The following HECTD4 variants were observed in gnomAD, a reference collection of about 807,000 sequenced individuals.
The protein encoded by HECTD4 is probable E3 ubiquitin-protein ligase HECTD4.
Under a neutral mutation model 471.5 loss-of-function variants are expected in HECTD4, and 114 were observed. That is an observed-to-expected ratio of 0.24 (90% CI 0.21 to 0.28). The LOEUF (loss-of-function observed/expected upper bound fraction) is 0.28. HECTD4 is among the 10% of genes least tolerant of loss of function. The probability of loss-of-function intolerance (pLI) is 1.00; values close to 1 mark genes in which losing one functional copy is unlikely to be tolerated. For synonymous variants in HECTD4, 2,012 were observed against 2,256.0 expected, an observed-to-expected ratio of 0.89 and a Z score of 3.07; for missense variants, 3,866 against 5,651.5, an observed-to-expected ratio of 0.68 and a Z score of 10.13.
At chr12:112,224,337 C>T (rs1279325165) in intron 44 of HECTD4, among the ~76,000 whole-genome samples, 1 of 151,292 alleles carries the variant, frequency 6.6e-6, no homozygotes, top group East Asian at 1.9e-4. Flanking sequence ...ATGATCTCGG[C>T]TCACTGCAAG....
At chr12:112,334,556 AG>A (rs569641877) in intron 1 of HECTD4, among the ~76,000 whole-genome samples, 173 of 147,458 alleles carry the variant, frequency 1.2e-3, no homozygotes, top group African/African-American at 4.1e-3. Context: ...GCACTTTGGG[AG>A]GCCGAGGCGG....
chr12:112,167,175 G>T, intron 72 of HECTD4, 142 bp downstream of exon 72: 1 of 650,212 alleles, frequency 1.5e-6, no homozygotes, highest in Non-Finnish European at 2.6e-6. Context: ...AAGCCTTCCT[G>T]GCACATGGCT....
At chr12:112,295,068 A>C (rs2034975770) in intron 7 of HECTD4, among the ~76,000 whole-genome samples, 2 of 152,002 alleles carry the variant, frequency 1.3e-5, no homozygotes, top group African/African-American at 2.4e-5. Context: ...CTTTGGGAAG[A>C]CAAGGCAGGC....
At chr12:112,348,053 C>T (rs918311137) in intron 1 of HECTD4, among the ~76,000 whole-genome samples, 1 of 152,292 alleles carries the variant, frequency 6.6e-6, no homozygotes, top group East Asian at 1.9e-4. Flanking sequence ...TAGCAGAACA[C>T]CATGAACTTT....
chr12:112,179,350 TA>T lies in HECTD4; in HGVS notation c.11034del (p.Phe3678LeufsTer11). ...PGAREVLTEI[F>X]KSCAHSEQTL... Reference sequence around the variant, plus strand: ...GTCTGCTCTGAATGGGCACAACTCTTAAATATCTCCGTCAGAACCTCTCTGG... The same window carrying T: ...GTCTGCTCTGAATGGGCACAACTCTTAATATCTCCGTCAGAACCTCTCTGG... On this transcript the variant is annotated frameshift_variant, in exon 63 of 76. Coordinates refer to ENST00000682272, the MANE Select transcript of HECTD4 (RefSeq NM_001388303.1). LOFTEE classifies it high-confidence loss of function. This position sits in a 1 kb window ranked among gnomAD's most constrained non-coding sequence, Gnocchi z 4.3. 1 of 1,613,266 alleles carries T rather than the reference TA, an allele frequency of 6.2e-7. No homozygotes were observed. The highest frequency in any genetic ancestry group is 8.5e-7 in the Non-Finnish European group (1 of 1,179,624).
intron 48 of HECTD4, among the ~76,000 whole-genome samples, chr12:112,214,785 A>C (rs2032867222): frequency 6.6e-6 from 1 of 152,132 alleles, no homozygotes; most frequent in Admixed American, 6.6e-5. Context: ...ATGCTTTGTG[A>C]AGTAAGAGAA....
Position 112,382,385 on chromosome 12 carries a change from CG to C in HECTD4, c.-258del. On this transcript the variant is annotated 5_prime_UTR_variant, in exon 1 of 76. Coordinates refer to ENST00000682272, the MANE Select transcript of HECTD4 (RefSeq NM_001388303.1). Reference sequence around the variant, plus strand: ...CCTCAGGAGCAGGATCCGCCTCTGCCGCTCGGCAACCAACTGTCAGTGAGAC... The same window carrying C: ...CCTCAGGAGCAGGATCCGCCTCTGCCCTCGGCAACCAACTGTCAGTGAGAC... 1 of 344,962 alleles carries C rather than the reference CG, an allele frequency of 2.9e-6. No homozygotes were observed. The highest frequency in any genetic ancestry group is 5.1e-6 in the Non-Finnish European group (1 of 196,264). The allele number at this position is 344,962 out of a possible 1,614,324, so 21.4% of individuals were successfully genotyped here. A position where few individuals can be genotyped will look rare whatever the true frequency, so the allele number is the denominator to read the frequency against.
At position 112,373,117 on chromosome 12, in the gene HECTD4, A is replaced by T. The variant is rs56849223; in HGVS notation, c.177+8835T>A. ...TTTTAGATGATGATAGTATAACATA[A>T]TAGTTCAAGAATATGGACTCAGGGC... On this transcript the variant is annotated intron_variant, in intron 1 of 75. Transcript: ENST00000682272. 7.1e-4 allele frequency among the ~76,000 whole-genome samples: 108 copies of T among 152,294 alleles called. 1 individual carries two copies. In the East Asian group the frequency reaches 0.019, roughly 27 times the overall value.
chr12:112,190,273 G>A (rs1461981778), intron 60 of HECTD4, among the ~76,000 whole-genome samples: 1 of 152,052 alleles, frequency 6.6e-6, no homozygotes, highest in East Asian at 1.9e-4. Flanking sequence ...ACATCAGTAT[G>A]CTTCATCCCT....
chr12:112,304,846 T>C (rs1035540566), intron 7 of HECTD4, among the ~76,000 whole-genome samples: 4 of 152,236 alleles, frequency 2.6e-5, no homozygotes, highest in African/African-American at 9.6e-5. Flanking sequence ...AGACTCCTGA[T>C]GGATAGTCTG....
chr12:112,382,250 C>T lies in HECTD4; in HGVS notation c.-122G>A. ...GCGCCCGCCAGCGGCGCCCCACTTG[C>T]TGCCTCGCCCGTGCAACTCCGCCCT... On this transcript the variant is annotated 5_prime_UTR_variant, in exon 1 of 76. Coordinates refer to ENST00000682272, the MANE Select transcript of HECTD4 (RefSeq NM_001388303.1). The T allele has an allele frequency of 1.2e-6, 1 of 840,830 alleles. No homozygotes were observed. The highest frequency in any genetic ancestry group is 1.6e-6 in the Non-Finnish European group (1 of 641,392). The allele number at this position is 840,830 out of a possible 1,614,324, so 52.1% of individuals were successfully genotyped here. A position where few individuals can be genotyped will look rare whatever the true frequency, so the allele number is the denominator to read the frequency against.
At chr12:112,324,176 G>A (rs1050166245) in intron 1 of HECTD4, among the ~76,000 whole-genome samples, 12 of 144,896 alleles carry the variant, frequency 8.3e-5, no homozygotes, top group Non-Finnish European at 1.3e-4. Context: ...GTACAGTGGT[G>A]CAATCTTAGC....
intron 50 of HECTD4, 112 bp from the exon 51 acceptor site, chr12:112,208,742 C>T (rs2032668179): frequency 1.2e-6 from 1 of 825,312 alleles, no homozygotes. Flanking sequence ...TAGGAAGACT[C>T]CTAGTACACT....
In HECTD4 at chr12:112,162,612, C is replaced by T; in HGVS notation, c.13121-89G>A. 1 of 1,538,220 alleles carries T rather than the reference C, an allele frequency of 6.5e-7. No homozygotes were observed. The highest frequency in any genetic ancestry group is 8.9e-7 in the Non-Finnish European group (1 of 1,126,554). On this transcript the variant is annotated intron_variant, in intron 75 of 75. Transcript: ENST00000682272. The surrounding 1 kb of genome is among the most constrained non-coding windows in gnomAD (Gnocchi z 5.2). ...GGGCTGGCCTCTGCTTCCAGGTTTG[C>T]CTCCTTGGGTAGCCCCAAGCCAATC...
intron 7 of HECTD4, among the ~76,000 whole-genome samples, chr12:112,303,862 TA>T (rs113450179): frequency 0.17 from 19,527 of 114,068 alleles, 1,691 homozygotes; most frequent in African/African-American, 0.33. Context: ...TCTCTCAAAA[TA>T]AAAAAAAAAA....
chr12:112,208,246 T>C (rs1279321719), intron 51 of HECTD4, among the ~76,000 whole-genome samples: 1 of 152,232 alleles, frequency 6.6e-6, no homozygotes, highest in Non-Finnish European at 1.5e-5. Context: ...TTCTGAACTA[T>C]TGCAAAGCAC....
chr12:112,300,776 T>A (rs949529485), intron 7 of HECTD4, among the ~76,000 whole-genome samples: 14 of 151,886 alleles, frequency 9.2e-5, no homozygotes, highest in Non-Finnish European at 1.6e-4. Context: ...CTAAAAAAAA[T>A]TTTTGTAGAG....
intron 1 of HECTD4, among the ~76,000 whole-genome samples, chr12:112,363,127 GTAAT>G (rs887328977): frequency 6.6e-5 from 10 of 152,058 alleles, no homozygotes; most frequent in African/African-American, 2.2e-4. Flanking sequence ...ACGCTAATCA[GTAAT>G]TAGATTATAT....
intron 4 of HECTD4, among the ~76,000 whole-genome samples, chr12:112,311,005 T>C (rs1399760791): frequency 6.6e-6 from 1 of 152,178 alleles, no homozygotes; most frequent in Non-Finnish European, 1.5e-5. Context: ...CTCATGCCTG[T>C]AATCCCAACA....
Sources: allele counts gnomAD v4.1 joint callset (sites outside exome capture counted in the v4.1 genomes callset), GRCh38; gene constraint gnomAD v4.1.1; non-coding constraint Gnocchi (gnomAD v3.1); transcripts MANE v1.5; gene names NCBI Gene and HGNC (gene_info 2026-07-23, HGNC 2026-07-21).